The following LRRC28 variants were observed in gnomAD, a reference collection of about 807,000 sequenced individuals.
LRRC28 encodes the protein leucine-rich repeat-containing protein 28.
In LRRC28, 39 loss-of-function variants were observed where a neutral mutation model predicts 45.7. The ratio of observed to expected loss-of-function variants is 0.85; its 90% CI spans 0.66 to 1.12. LRRC28 has a LOEUF of 1.12. LRRC28 is among the 50% of genes most tolerant of loss of function. The pLI is 0.00. For synonymous variants in LRRC28, 206 were observed against 178.8 expected (o/e 1.15, Z -1.22); for missense variants, 435 against 438.5 (o/e 0.99, Z 0.07).
chr15:99,362,020 G>A (rs1304906824), intron 8 of LRRC28, among the ~76,000 whole-genome samples: 1 of 152,208 alleles, frequency 6.6e-6, no homozygotes, highest in African/African-American at 2.4e-5. Context: ...ACTGGGAGCC[G>A]TTGGCAGTAC....
At chr15:99,285,602 A>T in intron 3 of LRRC28, 4 of 692,136 alleles carry the variant, frequency 5.8e-6, no homozygotes, top group Admixed American at 2.3e-5. Flanking sequence ...AGAGACTTTA[A>T]CGATGCTTCC....
At position 99,333,762 on chromosome 15, in the gene LRRC28, T is replaced by G. The variant is rs1956229995; in HGVS notation, c.386-161T>G. On this transcript the variant is annotated intron_variant, in intron 5 of 9. Coordinates refer to ENST00000301981, the MANE Select transcript of LRRC28 (RefSeq NM_144598.5). ...TTTAAAAACACTCACCTAGCTTGGA[T>G]TATTTGCATTTTCACCAAAAATCCT... is the stretch of plus-strand genomic sequence containing the variant. 5.2e-5 allele frequency: 37 copies of G among 714,648 alleles called. 1 individual carries two copies. The South Asian group carries it at 6.7e-4, about 13-fold the overall frequency. 44.3% of individuals were successfully genotyped at this position (714,648 alleles called of 1,614,324 possible).
intron 5 of LRRC28, among the ~76,000 whole-genome samples, chr15:99,312,248 G>A (rs1955440608): frequency 6.6e-6 from 1 of 152,128 alleles, no homozygotes; most frequent in South Asian, 2.1e-4. Flanking sequence ...ATTGCTCCTA[G>A]GCTACAAACC....
In LRRC28 at chr15:99,360,647, T is replaced by C. The variant is rs752846522; in HGVS notation, c.696-689T>C. On this transcript the variant is annotated intron_variant, in intron 7 of 9. Transcript: ENST00000301981. ...AGCCAAGGTTTGTTGGCCAGCTGTT[T>C]GTCATTAGACAAGAAAAGTATTGAG... Among the ~76,000 whole-genome samples the C allele has an allele frequency of 2.6e-5, 4 of 152,226 alleles. No homozygotes were observed. The South Asian group carries it at 8.3e-4, about 31-fold the overall frequency.
At chr15:99,337,552 T>A (rs1170436723) in intron 6 of LRRC28, among the ~76,000 whole-genome samples, 2 of 152,242 alleles carry the variant, frequency 1.3e-5, no homozygotes, top group Admixed American at 1.3e-4. Context: ...TGAGTTGAAT[T>A]ATTACAGAGT....
At chr15:99,257,876 T>TAAC in intron 2 of LRRC28, 1 of 776,100 alleles carries the variant, frequency 1.3e-6, no homozygotes, top group Non-Finnish European at 2.4e-6. Flanking sequence ...AAGCTGAAGT[T>TAAC]AACAGAATGA....
At chr15:99,334,254 G>GT in intron 6 of LRRC28, 125 bp downstream of exon 6, 1 of 1,056,724 alleles carries the variant, frequency 9.5e-7, no homozygotes, top group Non-Finnish European at 1.4e-6. Context: ...CTCTAAGTTT[G>GT]TTTTTGCAGT....
In LRRC28 at chr15:99,361,530, T is replaced by G. The variant is rs767392639; in HGVS notation, c.871+19T>G. On this transcript the variant is annotated intron_variant, in intron 8 of 9. Transcript: ENST00000301981. Reference sequence around the variant, plus strand: ...CTGAAAGGTACGTGGGACTTCTGGTTTTCTTATTTTTCTCTCTCATTTAGT... The same window carrying G: ...CTGAAAGGTACGTGGGACTTCTGGTGTTCTTATTTTTCTCTCTCATTTAGT... 11 of 1,557,588 alleles carry G rather than the reference T, an allele frequency of 7.1e-6. No individual in the cohort carries two copies. The highest frequency in any genetic ancestry group is 6.2e-5 in the Admixed American group (3 of 48,230).
At chr15:99,260,799 T>C (rs2081175189) in intron 2 of LRRC28, among the ~76,000 whole-genome samples, 1 of 152,240 alleles carries the variant, frequency 6.6e-6, no homozygotes. Flanking sequence ...GGGGAAAACG[T>C]TGAAAATATA....
intron 9 of LRRC28, among the ~76,000 whole-genome samples, chr15:99,381,003 A>T (rs1392121994): frequency 6.6e-6 from 1 of 152,014 alleles, no homozygotes; most frequent in African/African-American, 2.4e-5. Flanking sequence ...TCTGATAATT[A>T]TGTATCTTGG....
chr15:99,259,063 T>A (rs558560984), intron 2 of LRRC28: 5 of 987,234 alleles, frequency 5.1e-6, no homozygotes, highest in Admixed American at 1.7e-5. Context: ...ACAATGATAC[T>A]TTTTGGAAAG....
chr15:99,295,541 C>G (rs34583616), intron 5 of LRRC28, among the ~76,000 whole-genome samples: 15,211 of 152,146 alleles, frequency 0.1, 1,074 homozygotes, highest in East Asian at 0.33. Context: ...ATCTTTAATA[C>G]TCGAGAAATC....
chr15:99,372,409 T>C (rs1221664389), intron 9 of LRRC28, among the ~76,000 whole-genome samples: 2 of 152,236 alleles, frequency 1.3e-5, no homozygotes, highest in South Asian at 4.1e-4. Context: ...AGCTTATTGC[T>C]TAGCTCAAAG....
At chr15:99,253,879 A>T (rs1417569593) in intron 1 of LRRC28, among the ~76,000 whole-genome samples, 5 of 152,210 alleles carry the variant, frequency 3.3e-5, no homozygotes, top group Middle Eastern at 3.4e-3. Flanking sequence ...CTTGTGATAG[A>T]TTGGAGGTGG....
At chr15:99,257,638 C>A in intron 2 of LRRC28, 1 of 711,534 alleles carries the variant, frequency 1.4e-6, no homozygotes, top group East Asian at 2.7e-5. Flanking sequence ...CTGTGAAGGC[C>A]CTGTGGGTGC....
At chr15:99,372,455 G>T (rs1423304724) in intron 9 of LRRC28, among the ~76,000 whole-genome samples, 1 of 152,092 alleles carries the variant, frequency 6.6e-6, no homozygotes, top group African/African-American at 2.4e-5. Context: ...TGGTGCCACA[G>T]TTCTGGATTT....
chr15:99,265,590 G>A (rs1005295789), intron 2 of LRRC28, among the ~76,000 whole-genome samples: 1 of 152,156 alleles, frequency 6.6e-6, no homozygotes, highest in African/African-American at 2.4e-5. Flanking sequence ...TTGTAAGAAG[G>A]AGAAGGAATA....
At chr15:99,269,819 A>T (rs2081427280) in intron 2 of LRRC28, among the ~76,000 whole-genome samples, 1 of 152,244 alleles carries the variant, frequency 6.6e-6, no homozygotes, top group Non-Finnish European at 1.5e-5. Context: ...GACAACACAG[A>T]TAATGTTTCC....
At chr15:99,331,286 A>G (rs1161417534) in intron 5 of LRRC28, among the ~76,000 whole-genome samples, 1 of 152,150 alleles carries the variant, frequency 6.6e-6, no homozygotes, top group East Asian at 1.9e-4. Context: ...ATTCAGAGGT[A>G]TTGATGACAT....
Sources: gnomAD v4.1 joint callset for allele counts (sites outside exome capture counted in the v4.1 genomes callset) on GRCh38, gnomAD v4.1.1 for gene constraint, MANE v1.5 for transcripts, NCBI Gene and HGNC (gene_info 2026-07-23, HGNC 2026-07-21) for gene names.